The following ARHGEF28 variants were observed in gnomAD, a reference collection of about 807,000 sequenced individuals.
ARHGEF28 encodes the protein 190 kDa guanine nucleotide exchange factor.
ARHGEF28 carries 152 observed loss-of-function variants against 206.6 expected under a neutral mutation model. The ratio of observed to expected loss-of-function variants is 0.74; its 90% CI spans 0.64 to 0.84. The LOEUF (loss-of-function observed/expected upper bound fraction) is 0.84, where lower values mean the gene tolerates loss of function less well. ARHGEF28 is among the 40% of genes least tolerant of loss of function. The probability of loss-of-function intolerance (pLI) is 0.00; values close to 1 mark genes in which losing one functional copy is unlikely to be tolerated. For synonymous variants in ARHGEF28, 763 were observed against 776.4 expected (o/e 0.98, Z 0.29); for missense variants, 2,028 against 2,073.2 (o/e 0.98, Z 0.42).
intron 2 of ARHGEF28, among the ~76,000 whole-genome samples, chr5:73,686,274 G>A (rs1443340424): frequency 1.3e-5 from 2 of 151,874 alleles, no homozygotes. Context: ...TGTTTTTTCT[G>A]TGTGTGCCTT....
chr5:73,910,151 C>T (rs1185114906), intron 34 of ARHGEF28, among the ~76,000 whole-genome samples: 3 of 151,886 alleles, frequency 2.0e-5, no homozygotes, highest in Non-Finnish European at 4.4e-5. Flanking sequence ...GAGGCCGAGG[C>T]GGGAAGATCA....
intron 4 of ARHGEF28, among the ~76,000 whole-genome samples, chr5:73,754,217 G>A (rs1263011015): frequency 6.6e-6 from 1 of 152,152 alleles, no homozygotes; most frequent in Non-Finnish European, 1.5e-5. Flanking sequence ...TCTGGGTAAA[G>A]GGGTGTGAAT....
chr5:73,923,088 C>CTCCA (rs1763607836), intron 35 of ARHGEF28: 5 of 1,535,356 alleles, frequency 3.3e-6, no homozygotes, highest in Middle Eastern at 1.7e-4. Flanking sequence ...TGCATTCAGG[C>CTCCA]TCCAGTATGA....
chr5:73,739,398 C>T (rs944501871), intron 2 of ARHGEF28, among the ~76,000 whole-genome samples: 2 of 152,142 alleles, frequency 1.3e-5, no homozygotes, highest in African/African-American at 4.8e-5. Context: ...AACATCCTCC[C>T]ATTACAACTT....
At chr5:73,786,791 G>T (rs1754185582) in intron 7 of ARHGEF28, among the ~76,000 whole-genome samples, 1 of 152,188 alleles carries the variant, frequency 6.6e-6, no homozygotes, top group Non-Finnish European at 1.5e-5. Flanking sequence ...ACTGAATGAT[G>T]TCTAATCATG....
At chr5:73,801,454 A>T (rs911730412) in intron 9 of ARHGEF28, among the ~76,000 whole-genome samples, 3 of 151,960 alleles carry the variant, frequency 2.0e-5, no homozygotes, top group African/African-American at 7.2e-5. Context: ...CTCAAAAAAT[A>T]AAAAAAATAA....
At chr5:73,858,612 C>T (rs1197251755) in intron 16 of ARHGEF28, among the ~76,000 whole-genome samples, 1 of 152,208 alleles carries the variant, frequency 6.6e-6, no homozygotes, top group Non-Finnish European at 1.5e-5. Context: ...AATCCATCAA[C>T]AATCCTCTTG....
intron 2 of ARHGEF28, among the ~76,000 whole-genome samples, chr5:73,702,917 C>T (rs1183309127): frequency 2.6e-5 from 4 of 152,172 alleles, no homozygotes; most frequent in Non-Finnish European, 5.9e-5. Flanking sequence ...TAGGCATTCC[C>T]TGACATCTGA....
At chr5:73,849,736 T>G (rs944002805) in intron 13 of ARHGEF28, among the ~76,000 whole-genome samples, 1 of 151,996 alleles carries the variant, frequency 6.6e-6, no homozygotes, top group Non-Finnish European at 1.5e-5. Context: ...ATGTACAACT[T>G]AGAGCTCCCC....
intron 1 of ARHGEF28, among the ~76,000 whole-genome samples, chr5:73,645,817 T>C: frequency 6.6e-6 from 1 of 152,122 alleles, no homozygotes; most frequent in East Asian, 1.9e-4. Flanking sequence ...CAGCAGTGTC[T>C]TTAAATTCTT....
chr5:73,797,575 A>G (rs1298662485), intron 9 of ARHGEF28, among the ~76,000 whole-genome samples: 1 of 151,982 alleles, frequency 6.6e-6, no homozygotes, highest in East Asian at 1.9e-4. Context: ...TAATTTTTGT[A>G]TTTTTAGTAG....
intron 2 of ARHGEF28, among the ~76,000 whole-genome samples, chr5:73,710,978 A>G (rs1749206623): frequency 6.6e-6 from 1 of 152,174 alleles, no homozygotes; most frequent in South Asian, 2.1e-4. Context: ...TGCTGGGATT[A>G]TAGCCACGAG....
At chr5:73,858,877 C>G (rs902113084) in intron 16 of ARHGEF28, among the ~76,000 whole-genome samples, 3 of 152,204 alleles carry the variant, frequency 2.0e-5, no homozygotes, top group Non-Finnish European at 2.9e-5. Flanking sequence ...ACAGCAAGTT[C>G]CCATGTGATC....
At chr5:73,771,783 A>G (rs975180053) in intron 4 of ARHGEF28, among the ~76,000 whole-genome samples, 32 of 152,328 alleles carry the variant, frequency 2.1e-4, no homozygotes, top group African/African-American at 7.7e-4. Context: ...CTTTTTATTC[A>G]AAGGAGTATA....
chr5:73,742,830 C>CAAAAA (rs373495344), intron 2 of ARHGEF28, among the ~76,000 whole-genome samples: 1 of 56,468 alleles, frequency 1.8e-5, no homozygotes. Context: ...GACTCCGTCT[C>CAAAAA]AAAAAAAAAA....
At chr5:73,857,840 A>G (rs2112612608) in intron 15 of ARHGEF28, 61 bp downstream of exon 15, 10 of 1,529,136 alleles carry the variant, frequency 6.5e-6, no homozygotes, top group South Asian at 5.0e-5. Context: ...CTCAGCAGTT[A>G]GTATAATTTC....
At chr5:73,777,457 C>G in intron 6 of ARHGEF28, among the ~76,000 whole-genome samples, 1 of 152,184 alleles carries the variant, frequency 6.6e-6, no homozygotes. Context: ...GGTCTCGTGA[C>G]TATTTAGGCT....
chr5:73,808,821 A>AGC (rs1755665338), intron 9 of ARHGEF28, among the ~76,000 whole-genome samples: 2 of 151,964 alleles, frequency 1.3e-5, no homozygotes, highest in Admixed American at 1.3e-4. Flanking sequence ...TTCCTCTTTG[A>AGC]GCTCCTTCCC....
Position 73,794,420 on chromosome 5 carries a change from C to T in ARHGEF28, c.929C>T (p.Ser310Phe). ...ETEEEIKNSV[S>F]SRSAAEKEDI... ...TTTGCAGAGATTAAGAATTCAGTGT[C>T]CAGCAGATCAGCAGCTGAAAAGGAA... Residue 310 changes from serine to phenylalanine, a missense_variant, in exon 8 of 36, where the codon TCC becomes TTC. Physicochemically the swap from Ser to Phe is radical, Grantham distance 155. This residue lies in a region of ARHGEF28 where 1,002 missense variants were observed against 1,015.3 expected (regional missense o/e 0.99). Coordinates refer to ENST00000513042, the MANE Select transcript of ARHGEF28 (RefSeq NM_001177693.2). The T allele has an allele frequency of 6.2e-6, 10 of 1,603,714 alleles. No homozygotes were observed. The highest frequency in any genetic ancestry group is 8.5e-6 in the Non-Finnish European group (10 of 1,174,504).
Sources: gnomAD v4.1 joint callset for allele counts (sites outside exome capture counted in the v4.1 genomes callset) on GRCh38, gnomAD v4.1.1 for gene constraint, gnomAD v4.1.1 regional missense constraint, MANE v1.5 for transcripts, NCBI Gene and HGNC (gene_info 2026-07-23, HGNC 2026-07-21) for gene names.